Variants in SH3RF2 observed in about 807,000 individuals in gnomAD.
SH3RF2 encodes E3 ubiquitin-protein ligase SH3RF2.
A neutral mutation model predicts 59.0 loss-of-function variants in SH3RF2; 43 were observed. That is an observed-to-expected ratio of 0.73 (90% CI 0.57 to 0.94). The LOEUF (loss-of-function observed/expected upper bound fraction) is 0.94, where lower values mean the gene tolerates loss of function less well. Ranked by LOEUF, SH3RF2 falls within the 40% of genes least tolerant of loss-of-function variation. SH3RF2 has a pLI of 0.00. For missense variants in SH3RF2, 930 were observed against 940.1 expected, an observed-to-expected ratio of 0.99 and a Z score of 0.14; for synonymous variants, 391 against 391.5, an observed-to-expected ratio of 1.00 and a Z score of 0.01.
At chr5:145,941,794 G>A (rs772249053) in intron 2 of SH3RF2, among the ~76,000 whole-genome samples, 1 of 152,118 alleles carries the variant, frequency 6.6e-6, no homozygotes, top group African/African-American at 2.4e-5. Flanking sequence ...GATAATGGTA[G>A]TACCTACCTC....
At chr5:145,997,702 A>G (rs573627843) in intron 2 of SH3RF2, 15 of 1,566,230 alleles carry the variant, frequency 9.6e-6, no homozygotes, top group Non-Finnish European at 1.3e-5. Context: ...ACAGGGAAAA[A>G]GGTATATGCT....
chr5:146,064,922 C>A (rs1763067689), downstream of SH3RF2, among the ~76,000 whole-genome samples: 1 of 151,946 alleles, frequency 6.6e-6, no homozygotes, highest in South Asian at 2.1e-4. Context: ...TCTAATTAGA[C>A]CTTTCCCCTA....
intron 4 of SH3RF2, among the ~76,000 whole-genome samples, chr5:146,005,143 G>GT (rs1488608177): frequency 1.3e-5 from 2 of 151,440 alleles, no homozygotes; most frequent in Admixed American, 6.6e-5. Context: ...TATTACTTCT[G>GT]TTTTTTAAAG....
At chr5:145,994,118 A>G (rs1760059023) in intron 2 of SH3RF2, among the ~76,000 whole-genome samples, 1 of 152,222 alleles carries the variant, frequency 6.6e-6, no homozygotes, top group African/African-American at 2.4e-5. Flanking sequence ...AAATGCTGCC[A>G]GTCTCTTTGC....
intron 2 of SH3RF2, among the ~76,000 whole-genome samples, chr5:145,966,751 G>C (rs946188310): frequency 3.9e-5 from 6 of 152,232 alleles, no homozygotes; most frequent in African/African-American, 1.2e-4. Flanking sequence ...GCTGGGCGTG[G>C]TGATTCATGC....
chr5:146,055,520 T>C (rs996334973), intron 7 of SH3RF2, among the ~76,000 whole-genome samples: 1 of 152,216 alleles, frequency 6.6e-6, no homozygotes, highest in Admixed American at 6.5e-5. Context: ...CCACAGTATA[T>C]GCAGAACACA....
chr5:145,991,761 T>A (rs1237417321), intron 2 of SH3RF2, among the ~76,000 whole-genome samples: 1 of 152,182 alleles, frequency 6.6e-6, no homozygotes, highest in Non-Finnish European at 1.5e-5. Flanking sequence ...TTTAATATGC[T>A]CTCTCAGTAA....
chr5:146,004,249 C>A, intron 4 of SH3RF2, 96 bp downstream of exon 4: 2 of 942,568 alleles, frequency 2.1e-6, no homozygotes, highest in South Asian at 1.8e-5. Flanking sequence ...TGCTATGAGG[C>A]TTATTTCAGA....
At chr5:146,072,724 A>T (rs1561776948) in intron 9 of SH3RF2, among the ~76,000 whole-genome samples, 2 of 152,192 alleles carry the variant, frequency 1.3e-5, no homozygotes, top group South Asian at 2.1e-4. Flanking sequence ...TGTTGACTAA[A>T]TGCAGGTACC....
Position 146,004,128 on chromosome 5 carries a change from G to T in SH3RF2, c.719G>T (p.Gly240Val), listed in dbSNP as rs990742397. ...GAAGGCAAGTTAGGAGATAAAGTAGGCATCTTCCCTATCTTGTTTGTAGAG... is the reference window on the plus strand; with the variant it reads ...GAAGGCAAGTTAGGAGATAAAGTAGTCATCTTCCCTATCTTGTTTGTAGAG... ...WAEGKLGDKV[G>V]IFPILFVEPN... is the part of the protein sequence containing the mutation. The change falls in exon 4 of 10, where the codon GGC (glycine) becomes GTC (valine). Residue 240 changes from glycine (G) to valine (V), a missense_variant. Gly to Val is a moderately radical substitution (Grantham distance 109). Coordinates refer to ENST00000359120, the MANE Select transcript of SH3RF2 (RefSeq NM_152550.4). 6.2e-7 allele frequency: 1 copy of T among 1,612,692 alleles called. No individual in the cohort carries two copies. Among genetic ancestry groups the T allele is most frequent in the Non-Finnish European group, 8.5e-7 (1 of 1,178,934 alleles).
At chr5:146,064,860 G>GA (rs1339125644), downstream of SH3RF2, among the ~76,000 whole-genome samples, 2 of 27,700 alleles carry the variant, frequency 7.2e-5, no homozygotes, top group African/African-American at 1.3e-4. Flanking sequence ...AAGAAAGAAA[G>GA]AAAGAGAAAG....
chr5:145,971,979 C>T (rs781494615), intron 2 of SH3RF2, among the ~76,000 whole-genome samples: 1 of 152,164 alleles, frequency 6.6e-6, no homozygotes, highest in South Asian at 2.1e-4. Context: ...AGCCCCACAA[C>T]AACTGTATGA....
intron 2 of SH3RF2, among the ~76,000 whole-genome samples, chr5:145,991,118 A>G (rs17426347): frequency 2.0e-5 from 3 of 151,936 alleles, no homozygotes; most frequent in Admixed American, 2.0e-4. Context: ...TATGATGGAA[A>G]AACATGCTAG....
intron 2 of SH3RF2, among the ~76,000 whole-genome samples, chr5:145,941,736 T>C (rs1757822030): frequency 6.6e-6 from 1 of 152,150 alleles, no homozygotes; most frequent in South Asian, 2.1e-4. Flanking sequence ...GCACTTTGGG[T>C]GAGTCACTTA....
At chr5:145,991,953 T>A (rs1307362022) in intron 2 of SH3RF2, among the ~76,000 whole-genome samples, 1 of 152,170 alleles carries the variant, frequency 6.6e-6, no homozygotes, top group Non-Finnish European at 1.5e-5. Context: ...TGAGGGAGCT[T>A]GATAAAAATG....
chr5:146,053,321 G>A (rs1762560369), intron 7 of SH3RF2, among the ~76,000 whole-genome samples: 3 of 152,108 alleles, frequency 2.0e-5, no homozygotes, highest in South Asian at 4.2e-4. Flanking sequence ...ATTGGCTCAG[G>A]TTATATAGAA....
chr5:145,977,742 CT>C (rs1471373720), intron 2 of SH3RF2, among the ~76,000 whole-genome samples: 1 of 152,206 alleles, frequency 6.6e-6, no homozygotes, highest in African/African-American at 2.4e-5. Flanking sequence ...CACATTTAGC[CT>C]TCCCAAGAAG....
intron 4 of SH3RF2, among the ~76,000 whole-genome samples, chr5:146,009,116 C>T (rs530196729): frequency 1.3e-5 from 2 of 152,266 alleles, no homozygotes; most frequent in African/African-American, 4.8e-5. Context: ...TGAGTGGGCA[C>T]AAGTTTTCAT....
intron 2 of SH3RF2, among the ~76,000 whole-genome samples, chr5:145,945,170 A>G (rs1757963439): frequency 6.6e-6 from 1 of 152,162 alleles, no homozygotes; most frequent in Non-Finnish European, 1.5e-5. Context: ...AAACACTACT[A>G]TGTTACATGC....
Sources: gnomAD v4.1 joint callset for allele counts (sites outside exome capture counted in the v4.1 genomes callset) on GRCh38, gnomAD v4.1.1 for gene constraint, MANE v1.5 for transcripts, NCBI Gene and HGNC (gene_info 2026-07-23, HGNC 2026-07-21) for gene names.